The following IKZF1 variants were observed in gnomAD, a reference collection of about 807,000 sequenced individuals.
IKZF1 encodes the protein DNA-binding protein Ikaros.
A neutral mutation model predicts 51.7 loss-of-function variants in IKZF1; 10 were observed. That is an observed-to-expected ratio of 0.19 (90% CI 0.12 to 0.33). The LOEUF (loss-of-function observed/expected upper bound fraction) is 0.33. IKZF1 is among the 10% of genes least tolerant of loss of function. The probability of loss-of-function intolerance (pLI) is 1.00; values close to 1 mark genes in which losing one functional copy is unlikely to be tolerated. For missense variants in IKZF1, 484 were observed against 707.5 expected, an observed-to-expected ratio of 0.68 and a Z score of 3.58; for synonymous variants, 280 against 282.3, an observed-to-expected ratio of 0.99 and a Z score of 0.08.
At chr7:50,322,572 T>A (rs1793686565) in intron 2 of IKZF1, among the ~76,000 whole-genome samples, 1 of 152,212 alleles carries the variant, frequency 6.6e-6, no homozygotes, top group African/African-American at 2.4e-5. Context: ...GGAGAGCATA[T>A]CTAAAGCAAG....
intron 2 of IKZF1, chr7:50,327,398 G>A (rs1050193225): frequency 2.7e-6 from 1 of 371,348 alleles, no homozygotes; most frequent in African/African-American, 2.1e-5. Flanking sequence ...GAGTGGCAGT[G>A]TCTGGGATTA....
chr7:50,344,476 T>A (rs1416671202), intron 3 of IKZF1, among the ~76,000 whole-genome samples: 1 of 152,260 alleles, frequency 6.6e-6, no homozygotes, highest in Non-Finnish European at 1.5e-5. Context: ...TTTGCCTCTC[T>A]ATTTTTTGTG....
At chr7:50,307,602 C>CA (rs1789116265) in intron 1 of IKZF1, among the ~76,000 whole-genome samples, 1 of 152,196 alleles carries the variant, frequency 6.6e-6, no homozygotes, top group African/African-American at 2.4e-5. Flanking sequence ...GCTGAATAAT[C>CA]ATTCCATTTT....
intron 7 of IKZF1, among the ~76,000 whole-genome samples, chr7:50,398,936 T>G (rs11977456): frequency 0.013 from 2,019 of 152,308 alleles, 45 homozygotes; most frequent in African/African-American, 0.044. Context: ...TCAAGAAAAT[T>G]TATTTTTTGT....
rs1257559253 is a variant in IKZF1, at chr7:50,404,257, A to C, written c.*3630A>C. ...CTTCAGCTGCCCTTCTGGCGAGTAC[A>C]TGCACAGGATTGTAAATGAGAAATG... On this transcript the variant is annotated 3_prime_UTR_variant, in exon 8 of 8. Transcript: ENST00000331340. 2 of 220,058 alleles carry C rather than the reference A, an allele frequency of 9.1e-6. No homozygotes were observed. Among genetic ancestry groups the C allele is most frequent in the Non-Finnish European group, 1.8e-5 (2 of 109,430 alleles). The allele number at this position is 220,058 out of a possible 1,614,324, so 13.6% of individuals were successfully genotyped here. A position where few individuals can be genotyped will look rare whatever the true frequency, so the allele number is the denominator to read the frequency against.
At chr7:50,324,632 G>A in intron 2 of IKZF1, among the ~76,000 whole-genome samples, 1 of 152,104 alleles carries the variant, frequency 6.6e-6, no homozygotes, top group Non-Finnish European at 1.5e-5. Flanking sequence ...CAGGGACACT[G>A]GAGCACTGAC....
chr7:50,384,478 C>T (rs150762772), intron 5 of IKZF1, among the ~76,000 whole-genome samples: 83 of 152,350 alleles, frequency 5.4e-4, no homozygotes, highest in Middle Eastern at 6.8e-3. Flanking sequence ...CCCGAGAGGG[C>T]GGGCAGATCA....
chr7:50,329,164 C>CT (rs535951141), intron 3 of IKZF1, among the ~76,000 whole-genome samples: 3,113 of 143,576 alleles, frequency 0.022, 45 homozygotes, highest in Non-Finnish European at 0.027. Context: ...TATAATGGTT[C>CT]TTTTTTTTTT....
chr7:50,377,211 G>T (rs1323862397), intron 4 of IKZF1: 1 of 171,152 alleles, frequency 5.8e-6, no homozygotes, highest in Non-Finnish European at 1.3e-5. Context: ...TAAAATGTGT[G>T]TTTAAATTGT....
chr7:50,316,325 A>G (rs1225918136), intron 1 of IKZF1, among the ~76,000 whole-genome samples: 9 of 152,232 alleles, frequency 5.9e-5, no homozygotes, highest in Non-Finnish European at 1.3e-4. Flanking sequence ...TCATAAGCCC[A>G]TGAAGCCCCC....
Position 50,369,828 on chromosome 7 carries a change from C to G in IKZF1, c.161-6705C>G, listed in dbSNP as rs545992769. 1.9e-4 allele frequency: 70 copies of G among 366,764 alleles called. 3 individuals are homozygous for G. The South Asian group carries it at 9.8e-3, about 51-fold the overall frequency. The allele number at this position is 366,764 out of a possible 1,614,324, so 22.7% of individuals were successfully genotyped here. On this transcript the variant is annotated intron_variant, in intron 3 of 7. Transcript: ENST00000331340. The stretch of plus-strand genomic sequence containing the variant: ...TTTCTTTTCTCTCCCTGACTTCATT[C>G]CATTTAAAGGCCTTAAATTGCAAAT...
intron 1 of IKZF1, 99 bp from the exon 2 acceptor site, chr7:50,318,949 C>A: frequency 1.4e-6 from 1 of 717,668 alleles, no homozygotes. Context: ...GCTAGATAAC[C>A]TTGTTGTTAA....
chr7:50,399,333 A>G lies in IKZF1; in HGVS notation c.851-585A>G, dbSNP rs187395230. Among the ~76,000 whole-genome samples the G allele has an allele frequency of 2.7e-3, 412 of 152,242 alleles. 1 individual carries two copies. Among genetic ancestry groups the G allele is most frequent in the Admixed American group, 5.6e-3 (85 of 15,306 alleles). ...TTATTTGTCAAAAATGTGTCATTTT[A>G]TTACAAAAAATATACAATCATCATG... On this transcript the variant is annotated intron_variant, in intron 7 of 7. Coordinates refer to ENST00000331340, the MANE Select transcript of IKZF1 (RefSeq NM_006060.6).
At chr7:50,364,820 C>T (rs1806359720) in intron 3 of IKZF1, among the ~76,000 whole-genome samples, 2 of 152,178 alleles carry the variant, frequency 1.3e-5, no homozygotes, top group South Asian at 4.1e-4. Flanking sequence ...TTGTTCAGTC[C>T]CTACCCTGGA....
intron 3 of IKZF1, among the ~76,000 whole-genome samples, chr7:50,342,457 T>G (rs1370519197): frequency 6.6e-6 from 1 of 152,234 alleles, no homozygotes; most frequent in African/African-American, 2.4e-5. Flanking sequence ...AGCTGCTTTA[T>G]AGACATGAGG....
intron 3 of IKZF1, chr7:50,368,164 A>G (rs1407056583): frequency 1.0e-5 from 7 of 703,498 alleles, no homozygotes; most frequent in Non-Finnish European, 1.6e-5. Flanking sequence ...CCCGAGATAC[A>G]TTAAATATTC....
At chr7:50,356,762 C>A (rs1803531029) in intron 3 of IKZF1, among the ~76,000 whole-genome samples, 1 of 152,152 alleles carries the variant, frequency 6.6e-6, no homozygotes, top group Non-Finnish European at 1.5e-5. Context: ...TCTTCTAGGG[C>A]TTTTACAATA....
intron 2 of IKZF1, among the ~76,000 whole-genome samples, chr7:50,325,731 C>T (rs543726606): frequency 3.4e-4 from 52 of 151,734 alleles, no homozygotes; most frequent in East Asian, 9.7e-4. Context: ...GCCAAGATCG[C>T]GCCACTGCAC....
At chr7:50,334,076 T>C (rs1383046914) in intron 3 of IKZF1, among the ~76,000 whole-genome samples, 2 of 152,258 alleles carry the variant, frequency 1.3e-5, no homozygotes, top group African/African-American at 2.4e-5. Flanking sequence ...TAATTTACAG[T>C]CTTCCAGATT....
Sources: gnomAD v4.1 joint callset for allele counts (sites outside exome capture counted in the v4.1 genomes callset) on GRCh38, gnomAD v4.1.1 for gene constraint, MANE v1.5 for transcripts, NCBI Gene and HGNC (gene_info 2026-07-23, HGNC 2026-07-21) for gene names.